TOX2: variants seen among roughly 807,000 people sequenced by gnomAD.
TOX2 encodes TOX high mobility group box family member 2.
In TOX2, 15 loss-of-function variants were observed where a neutral mutation model predicts 47.4. The observed-to-expected ratio is 0.32, with a 90% confidence interval of 0.21 to 0.49. The LOEUF (loss-of-function observed/expected upper bound fraction) is 0.49, where lower values mean the gene tolerates loss of function less well. Among genes scored for constraint, TOX2 ranks in the 20% least tolerant of loss-of-function variants. The pLI, the probability that TOX2 is intolerant of heterozygous loss-of-function variation, is 0.99. For missense variants in TOX2, 622 were observed against 673.1 expected, an observed-to-expected ratio of 0.92 and a Z score of 0.84; for synonymous variants, 290 against 296.6, an observed-to-expected ratio of 0.98 and a Z score of 0.23.
chr20:44,039,332 A>G (rs1025488733), intron 3 of TOX2: 72 of 1,285,400 alleles, frequency 5.6e-5, no homozygotes, highest in Admixed American at 9.2e-5. Flanking sequence ...GGTCAGGAGG[A>G]GAGAGATTGT....
intron 2 of TOX2, among the ~76,000 whole-genome samples, chr20:44,006,125 A>G (rs2070675083): frequency 6.6e-6 from 1 of 152,168 alleles, no homozygotes; most frequent in Non-Finnish European, 1.5e-5. Context: ...CAGGCCTGGA[A>G]TCAGGATACT....
intron 3 of TOX2, among the ~76,000 whole-genome samples, chr20:44,034,239 GT>G (rs1274930357): frequency 5.1e-4 from 76 of 148,446 alleles, no homozygotes; most frequent in East Asian, 4.9e-3. Flanking sequence ...AGTCAGTTCA[GT>G]TTTTTTTTTT....
intron 1 of TOX2, among the ~76,000 whole-genome samples, chr20:43,957,043 C>T (rs1600681562): frequency 6.6e-6 from 1 of 152,302 alleles, no homozygotes; most frequent in East Asian, 1.9e-4. Context: ...ATGTTTTCTT[C>T]CACAGAAGAT....
chr20:43,933,064 A>G lies in TOX2; in HGVS notation c.99+18074A>G, dbSNP rs112135647. Reference sequence around the variant, plus strand: ...ATTCTAGTGACCAAGTAAGTTCACTAGAGTTTAGAGCTCAACAGAAGGGTG... The same window carrying G: ...ATTCTAGTGACCAAGTAAGTTCACTGGAGTTTAGAGCTCAACAGAAGGGTG... On this transcript the variant is annotated intron_variant, in intron 1 of 8. Transcript: ENST00000341197. Among the ~76,000 whole-genome samples the G allele has an allele frequency of 2.6e-3, 401 of 152,354 alleles. 3 individuals carry two copies. The highest frequency in any genetic ancestry group is 8.9e-3 in the African/African-American group (368 of 41,578).
At chr20:44,050,169 CATATAA>C (rs66538622) in intron 3 of TOX2, among the ~76,000 whole-genome samples, 1,674 of 152,196 alleles carry the variant, frequency 0.011, 22 homozygotes, top group Admixed American at 0.029. Flanking sequence ...ACATATCGTA[CATATAA>C]ATATATACAA....
chr20:43,983,022 G>C (rs1236772180), intron 2 of TOX2, among the ~76,000 whole-genome samples: 1 of 151,880 alleles, frequency 6.6e-6, no homozygotes, highest in Non-Finnish European at 1.5e-5. Flanking sequence ...TTACACATGA[G>C]GTGCTCCCTG....
intron 1 of TOX2, among the ~76,000 whole-genome samples, chr20:43,942,880 A>C (rs2145354488): frequency 6.6e-6 from 1 of 152,258 alleles, no homozygotes; most frequent in South Asian, 2.1e-4. Flanking sequence ...AGAATCTGAA[A>C]AATTAAAAAA....
chr20:43,927,626 T>TTCCTCCCCTTCCCTTCC (rs2069188806), intron 1 of TOX2, among the ~76,000 whole-genome samples: 9 of 6,072 alleles, frequency 1.5e-3, no homozygotes, highest in Admixed American at 3.1e-3. Flanking sequence ...CCTTCCTTCC[T>TTCCTCCCCTTCCCTTCC]CCTTCCTTCC....
At chr20:43,924,330 A>G (rs888212358) in intron 1 of TOX2, among the ~76,000 whole-genome samples, 35 of 152,036 alleles carry the variant, frequency 2.3e-4, no homozygotes, top group African/African-American at 7.2e-4. Flanking sequence ...TTTGGGTCCA[A>G]GGGAAGACAA....
intron 1 of TOX2, among the ~76,000 whole-genome samples, chr20:43,944,054 C>CTT (rs1479451574): frequency 6.6e-6 from 1 of 152,134 alleles, no homozygotes; most frequent in African/African-American, 2.4e-5. Flanking sequence ...GTTTCTAAAT[C>CTT]TTTGGTATGT....
chr20:44,053,629 CGT>C (rs1569139671), intron 4 of TOX2, among the ~76,000 whole-genome samples: 10 of 150,304 alleles, frequency 6.7e-5, no homozygotes, highest in Admixed American at 6.6e-5. Flanking sequence ...CACACACACA[CGT>C]ATATACACAT....
intron 4 of TOX2, among the ~76,000 whole-genome samples, chr20:44,051,757 G>T (rs2071516758): frequency 6.6e-6 from 1 of 152,198 alleles, no homozygotes; most frequent in South Asian, 2.1e-4. Flanking sequence ...AAGACCCCCA[G>T]GCCACGCTGG....
intron 5 of TOX2, among the ~76,000 whole-genome samples, chr20:44,063,148 T>TA (rs568137509): frequency 1.4e-4 from 22 of 152,262 alleles, no homozygotes; most frequent in Admixed American, 1.4e-3. Flanking sequence ...AGATGGGACT[T>TA]AATTAAACTA....
In TOX2 at chr20:43,976,781, C is replaced by T. The variant is rs531212108; in HGVS notation, c.165+3349C>T. On this transcript the variant is annotated intron_variant, in intron 2 of 8. Transcript: ENST00000341197. ...CTTGAACTCACAACGCGAGCGCGCG[C>T]GCACACACACACACACACACACATA... is the stretch of plus-strand genomic sequence containing the variant. Among the ~76,000 whole-genome samples the T allele has an allele frequency of 2.3e-4, 31 of 133,912 alleles. No individual in the cohort carries two copies. In the East Asian group the frequency reaches 3.5e-3, roughly 15 times the overall value. 87.9% of individuals were successfully genotyped at this position (133,912 alleles called of 152,430 possible). A position where few individuals can be genotyped will look rare whatever the true frequency, so the allele number is the denominator to read the frequency against.
At chr20:44,055,486 A>C (rs577296531) in intron 5 of TOX2, among the ~76,000 whole-genome samples, 2 of 152,198 alleles carry the variant, frequency 1.3e-5, no homozygotes, top group African/African-American at 4.8e-5. Flanking sequence ...GGAGACCAGG[A>C]TGGCCAGAGA....
intron 3 of TOX2, among the ~76,000 whole-genome samples, chr20:44,037,818 T>A (rs561522779): frequency 1.3e-5 from 2 of 152,190 alleles, no homozygotes; most frequent in East Asian, 3.8e-4. Flanking sequence ...TACAGAAAAT[T>A]GGTACCAGTA....
At chr20:44,009,098 G>T (rs1350541137) in intron 3 of TOX2, among the ~76,000 whole-genome samples, 1 of 152,194 alleles carries the variant, frequency 6.6e-6, no homozygotes, top group African/African-American at 2.4e-5. Context: ...GGTGGCTTGT[G>T]TCTACCTCTG....
chr20:43,939,013 C>G (rs553171405), intron 1 of TOX2, among the ~76,000 whole-genome samples: 2 of 152,286 alleles, frequency 1.3e-5, no homozygotes, highest in East Asian at 3.9e-4. Context: ...GGTGGAGCTT[C>G]CTGGAGTCGC....
chr20:43,931,682 T>C (rs1367058618), intron 1 of TOX2, among the ~76,000 whole-genome samples: 3 of 152,234 alleles, frequency 2.0e-5, no homozygotes, highest in African/African-American at 7.2e-5. Flanking sequence ...TTTGCAGTTG[T>C]TCTGTGGGGG....
Sources: allele counts gnomAD v4.1 joint callset (sites outside exome capture counted in the v4.1 genomes callset), GRCh38; gene constraint gnomAD v4.1.1; transcripts MANE v1.5; gene names NCBI Gene and HGNC (gene_info 2026-07-23, HGNC 2026-07-21).